The following B4GALT6 variants were observed in gnomAD, a reference collection of about 807,000 sequenced individuals.
The protein encoded by B4GALT6 is beta-1,4-galactosyltransferase 6, also known as UDP-Gal:beta-GlcNAc beta-1,4-galactosyltransferase 6.
A neutral mutation model predicts 46.3 loss-of-function variants in B4GALT6; 14 were observed. The observed-to-expected ratio is 0.30, with a 90% CI of 0.20 to 0.47. B4GALT6 has a LOEUF of 0.47. Among genes scored for constraint, B4GALT6 ranks in the 20% least tolerant of loss-of-function variants. The pLI, the probability that B4GALT6 is intolerant of heterozygous loss-of-function variation, is 0.99. For missense variants in B4GALT6, 386 were observed against 480.1 expected (o/e 0.80, Z 1.83); for synonymous variants, 168 against 162.0 (o/e 1.04, Z -0.28).
At chr18:31,662,820 G>A (rs753332140) in intron 2 of B4GALT6, among the ~76,000 whole-genome samples, 12 of 151,744 alleles carry the variant, frequency 7.9e-5, no homozygotes, top group South Asian at 2.1e-4. Context: ...CAGCCTGGGC[G>A]ACAGAGCGAG....
upstream of B4GALT6, chr18:31,686,166 A>G (rs71361335): frequency 0.095 from 14,443 of 152,224 alleles, 905 homozygotes; most frequent in Middle Eastern, 0.16. Flanking sequence ...TTCTTTTTCA[A>G]CTAATCATGC....
chr18:31,650,251 A>G (rs919219520), intron 3 of B4GALT6, among the ~76,000 whole-genome samples: 12 of 152,234 alleles, frequency 7.9e-5, no homozygotes, highest in African/African-American at 2.9e-4. Context: ...TTTAAAATGC[A>G]GCTGACTGGC....
At chr18:31,657,466 C>A (rs2074155041) in intron 3 of B4GALT6, among the ~76,000 whole-genome samples, 2 of 152,156 alleles carry the variant, frequency 1.3e-5, no homozygotes, top group Admixed American at 6.5e-5. Context: ...GAAACAATAT[C>A]TATTTTCTAT....
chr18:31,647,814 T>C (rs1417507977), intron 3 of B4GALT6, among the ~76,000 whole-genome samples: 3 of 152,088 alleles, frequency 2.0e-5, no homozygotes, highest in African/African-American at 4.8e-5. Context: ...ATGCTGCAGA[T>C]AAACTAATGA....
chr18:31,721,075 T>C, the B4GALT6 span, among the ~76,000 whole-genome samples: 5 of 151,860 alleles, frequency 3.3e-5, no homozygotes, highest in Admixed American at 1.3e-4. Flanking sequence ...GTGACTCATG[T>C]AGCAAGCTGC....
chr18:31,636,801 C>CT (rs1309595319), intron 5 of B4GALT6, among the ~76,000 whole-genome samples: 7 of 152,122 alleles, frequency 4.6e-5, no homozygotes, highest in Non-Finnish European at 8.8e-5. Flanking sequence ...AAATTAAATT[C>CT]TTTTTTTCAA....
At chr18:31,678,003 G>A (rs1235125484) in intron 1 of B4GALT6, among the ~76,000 whole-genome samples, 1 of 152,148 alleles carries the variant, frequency 6.6e-6, no homozygotes, top group Non-Finnish European at 1.5e-5. Flanking sequence ...TTCTACTTAA[G>A]ACAAACATGA....
At chr18:31,695,918 G>A in the B4GALT6 span, among the ~76,000 whole-genome samples, 3 of 152,084 alleles carry the variant, frequency 2.0e-5, no homozygotes, top group Non-Finnish European at 2.9e-5. Context: ...GAAAGAGCCA[G>A]GATAAGACAC....
chr18:31,675,195 T>C (rs2074402223), intron 1 of B4GALT6, among the ~76,000 whole-genome samples: 1 of 152,254 alleles, frequency 6.6e-6, no homozygotes, highest in Admixed American at 6.5e-5. Context: ...TTTTAAGTTA[T>C]TTCTGGAGAA....
the B4GALT6 span, among the ~76,000 whole-genome samples, chr18:31,701,854 G>C: frequency 6.6e-6 from 1 of 151,776 alleles, no homozygotes; most frequent in East Asian, 1.9e-4. Flanking sequence ...GAGAGACAAA[G>C]GATTAATTTC....
chr18:31,711,980 T>C, the B4GALT6 span, among the ~76,000 whole-genome samples: 1 of 152,172 alleles, frequency 6.6e-6, no homozygotes, highest in Non-Finnish European at 1.5e-5. Context: ...GATAGCTCTA[T>C]AAGAGCACAG....
intron 1 of B4GALT6, among the ~76,000 whole-genome samples, chr18:31,672,834 G>A (rs987327108): frequency 1.3e-5 from 2 of 152,188 alleles, no homozygotes; most frequent in Non-Finnish European, 2.9e-5. Context: ...GCCCCAGCAA[G>A]CTAGCCCTTG....
intron 3 of B4GALT6, among the ~76,000 whole-genome samples, chr18:31,654,139 TAGTA>T (rs563978824): frequency 6.6e-6 from 1 of 152,284 alleles, no homozygotes; most frequent in South Asian, 2.1e-4. Flanking sequence ...ATTCCACAAA[TAGTA>T]AGAACAGAAT....
At chr18:31,683,041 C>A (rs2074498987) in intron 1 of B4GALT6, among the ~76,000 whole-genome samples, 1 of 152,152 alleles carries the variant, frequency 6.6e-6, no homozygotes, top group African/African-American at 2.4e-5. Context: ...TACCCTAAAA[C>A]TTCTATTTTG....
rs2073667440 is a variant in B4GALT6, at chr18:31,624,866, A to T, written c.*748T>A. 1 of 152,664 alleles carries T rather than the reference A, an allele frequency of 6.6e-6. No individual in the cohort carries two copies. Among genetic ancestry groups the T allele is most frequent in the Admixed American group, 6.5e-5 (1 of 15,288 alleles). The allele number at this position is 152,664 out of a possible 1,614,324, so 9.5% of individuals were successfully genotyped here. ...CACAACTTTTAAGATTTTTCTTGGT[A>T]ATACTCATGCAATATGCATAAACAA... is the stretch of plus-strand genomic sequence containing the variant. On this transcript the variant is annotated 3_prime_UTR_variant, in exon 9 of 9. Transcript: ENST00000306851.
the B4GALT6 span, among the ~76,000 whole-genome samples, chr18:31,700,649 G>T: frequency 1.3e-5 from 2 of 151,908 alleles, no homozygotes; most frequent in African/African-American, 2.4e-5. Context: ...ATAGAGATGG[G>T]GTTTCACCGT....
chr18:31,664,568 G>A (rs1247624494), intron 2 of B4GALT6, among the ~76,000 whole-genome samples: 1 of 147,844 alleles, frequency 6.8e-6, no homozygotes, highest in Non-Finnish European at 1.5e-5. Context: ...TATGGGGAAA[G>A]ATTGTCTTGC....
intron 6 of B4GALT6, among the ~76,000 whole-genome samples, chr18:31,629,055 CTTAA>C (rs2073740713): frequency 6.6e-6 from 1 of 152,206 alleles, no homozygotes; most frequent in South Asian, 2.1e-4. Context: ...TCCACTTCCA[CTTAA>C]TGGACAGTAA....
intron 1 of B4GALT6, among the ~76,000 whole-genome samples, chr18:31,676,333 G>C (rs548063423): frequency 3.3e-5 from 5 of 152,196 alleles, no homozygotes; most frequent in Admixed American, 1.3e-4. Context: ...CCACTGTAAA[G>C]ATATTATAAA....
Sources: allele counts gnomAD v4.1 joint callset (sites outside exome capture counted in the v4.1 genomes callset), GRCh38; gene constraint gnomAD v4.1.1; transcripts MANE v1.5; gene names NCBI Gene and HGNC (gene_info 2026-07-23, HGNC 2026-07-21).